PPP1R12A: variants seen among roughly 807,000 people sequenced by gnomAD.
The protein encoded by PPP1R12A is protein phosphatase 1 regulatory subunit 12A, also known as myosin binding subunit.
A neutral mutation model predicts 139.6 loss-of-function variants in PPP1R12A; 19 were observed. That is an observed-to-expected ratio of 0.14 (90% CI 0.09 to 0.20). The LOEUF (loss-of-function observed/expected upper bound fraction) is 0.20, where lower values mean the gene tolerates loss of function less well. Among genes scored for constraint, PPP1R12A ranks in the 10% least tolerant of loss-of-function variants. PPP1R12A has a pLI of 1.00. For missense variants in PPP1R12A, 925 were observed against 1,211.5 expected (o/e 0.76, Z 3.51); for synonymous variants, 427 against 420.6 (o/e 1.02, Z -0.19).
At chr12:79,899,865 T>C (rs1040245055) in intron 1 of PPP1R12A, among the ~76,000 whole-genome samples, 6 of 152,210 alleles carry the variant, frequency 3.9e-5, no homozygotes, top group Non-Finnish European at 7.4e-5. Context: ...ATCGCAGGCA[T>C]TTCATGATGC....
chr12:79,932,325 G>A (rs1888313631), intron 1 of PPP1R12A, among the ~76,000 whole-genome samples: 1 of 152,266 alleles, frequency 6.6e-6, no homozygotes, highest in African/African-American at 2.4e-5. Context: ...TTCACTAACT[G>A]TTGTCCTAAA....
intron 15 of PPP1R12A, among the ~76,000 whole-genome samples, chr12:79,798,224 T>C (rs1872704266): frequency 6.6e-6 from 1 of 152,154 alleles, no homozygotes; most frequent in African/African-American, 2.4e-5. Flanking sequence ...CACAAAGGCA[T>C]ATGCTAATTA....
chr12:79,892,392 T>C (rs1489736457), intron 1 of PPP1R12A, among the ~76,000 whole-genome samples: 2 of 152,144 alleles, frequency 1.3e-5, no homozygotes, highest in East Asian at 1.9e-4. Context: ...GTAAAAACTA[T>C]ACAAAACAAC....
At chr12:79,795,895 G>T in intron 17 of PPP1R12A, 136 bp from the exon 18 acceptor site, 2 of 718,798 alleles carry the variant, frequency 2.8e-6, no homozygotes, top group Non-Finnish European at 4.2e-6. Context: ...CTACTACTTA[G>T]CTCCAGCCAA....
At chr12:79,819,824 G>C (rs1211233725) in intron 8 of PPP1R12A, among the ~76,000 whole-genome samples, 3 of 151,882 alleles carry the variant, frequency 2.0e-5, no homozygotes, top group Non-Finnish European at 4.4e-5. Flanking sequence ...TGTTGTCCCA[G>C]CTACTGGAGA....
chr12:79,801,068 G>C (rs1157280587), intron 14 of PPP1R12A, among the ~76,000 whole-genome samples: 1 of 151,176 alleles, frequency 6.6e-6, no homozygotes, highest in Non-Finnish European at 1.5e-5. Flanking sequence ...TTTCTTGGCT[G>C]GGCGCGGTGG....
intron 3 of PPP1R12A, among the ~76,000 whole-genome samples, chr12:79,836,362 A>G (rs1878081350): frequency 1.3e-5 from 2 of 151,976 alleles, no homozygotes; most frequent in South Asian, 4.2e-4. Context: ...GCTTTTTATT[A>G]TTTTTATCCC....
chr12:79,918,934 G>A (rs534625663), intron 1 of PPP1R12A, among the ~76,000 whole-genome samples: 3 of 152,092 alleles, frequency 2.0e-5, no homozygotes, highest in Non-Finnish European at 2.9e-5. Flanking sequence ...TGGCCAACAC[G>A]GCGAAACCCC....
At chr12:79,930,496 G>A (rs1888168820) in intron 1 of PPP1R12A, among the ~76,000 whole-genome samples, 1 of 152,198 alleles carries the variant, frequency 6.6e-6, no homozygotes, top group Non-Finnish European at 1.5e-5. Flanking sequence ...AATAAGGCTA[G>A]GTGCGGTGGC....
chr12:79,794,296 T>A (rs1872241214), intron 18 of PPP1R12A, among the ~76,000 whole-genome samples: 1 of 152,072 alleles, frequency 6.6e-6, no homozygotes, highest in Non-Finnish European at 1.5e-5. Context: ...TAAACTTTTT[T>A]AAATAGACAT....
intron 1 of PPP1R12A, among the ~76,000 whole-genome samples, chr12:79,923,080 G>A (rs1422953183): frequency 6.6e-6 from 1 of 152,036 alleles, no homozygotes; most frequent in African/African-American, 2.4e-5. Context: ...TTCAAGACCA[G>A]CCTGGCCAAC....
intron 3 of PPP1R12A, among the ~76,000 whole-genome samples, chr12:79,838,799 G>A (rs1878378518): frequency 1.3e-5 from 2 of 152,348 alleles, no homozygotes; most frequent in South Asian, 4.1e-4. Flanking sequence ...GGATGTCCAG[G>A]CAGAAGTCTG....
intron 2 of PPP1R12A, among the ~76,000 whole-genome samples, chr12:79,861,708 A>G (rs148633049): frequency 2.1e-3 from 320 of 152,230 alleles, no homozygotes; most frequent in African/African-American, 7.3e-3. Context: ...CTGCTAGCAC[A>G]GCAGTCTGAG....
At chr12:79,931,555 A>C (rs1888254832) in intron 1 of PPP1R12A, among the ~76,000 whole-genome samples, 1 of 152,222 alleles carries the variant, frequency 6.6e-6, no homozygotes, top group Admixed American at 6.5e-5. Context: ...AGTAAGAATC[A>C]GCAATAAGGC....
chr12:79,835,175 G>C (rs1282249445), intron 3 of PPP1R12A, among the ~76,000 whole-genome samples: 2 of 152,096 alleles, frequency 1.3e-5, no homozygotes, highest in Non-Finnish European at 2.9e-5. Context: ...TTGGATATCA[G>C]ACTACAGGTT....
At chr12:79,823,811 GT>G in intron 5 of PPP1R12A, 1 of 154,436 alleles carries the variant, frequency 6.5e-6, no homozygotes, top group Non-Finnish European at 1.4e-5. Flanking sequence ...GCCCAGGCTG[GT>G]TTTGAACTCC....
intron 2 of PPP1R12A, among the ~76,000 whole-genome samples, chr12:79,855,729 C>T (rs1398103712): frequency 1.3e-5 from 2 of 151,786 alleles, no homozygotes; most frequent in African/African-American, 4.8e-5. Context: ...CACACATTTA[C>T]AGTTAAGTGA....
chr12:79,891,517 T>C (rs1884638904), intron 1 of PPP1R12A, among the ~76,000 whole-genome samples: 1 of 152,166 alleles, frequency 6.6e-6, no homozygotes, highest in Admixed American at 6.5e-5. Flanking sequence ...CATGGCAATG[T>C]AAATTGAAGA....
chr12:79,846,689 A>G (rs1879451882), intron 2 of PPP1R12A, among the ~76,000 whole-genome samples: 1 of 149,458 alleles, frequency 6.7e-6, no homozygotes, highest in Admixed American at 6.8e-5. Context: ...TCGGCCTCCC[A>G]AAGTGCTGGG....
Sources: gnomAD v4.1 joint callset for allele counts (sites outside exome capture counted in the v4.1 genomes callset) on GRCh38, gnomAD v4.1.1 for gene constraint, MANE v1.5 for transcripts, NCBI Gene and HGNC (gene_info 2026-07-23, HGNC 2026-07-21) for gene names.